SLC5A3: variants seen among roughly 807,000 people sequenced by gnomAD.
SLC5A3 encodes the protein sodium/myo-inositol cotransporter.
In SLC5A3, 10 loss-of-function variants were observed where a neutral mutation model predicts 43.2. The observed-to-expected ratio is 0.23, with a 90% CI of 0.14 to 0.39. The LOEUF is 0.39. Among genes scored for constraint, SLC5A3 ranks in the 10% least tolerant of loss-of-function variants. SLC5A3 has a pLI of 1.00. For synonymous variants in SLC5A3, 349 were observed against 322.0 expected, an observed-to-expected ratio of 1.08 and a Z score of -0.90; for missense variants, 608 against 893.4, an observed-to-expected ratio of 0.68 and a Z score of 4.07.
At chr21:34,086,311 C>A (rs887717272) in intron 1 of SLC5A3, among the ~76,000 whole-genome samples, 1 of 152,070 alleles carries the variant, frequency 6.6e-6, no homozygotes, top group Non-Finnish European at 1.5e-5. Flanking sequence ...AAGATTAATT[C>A]TTGGTGTGGG....
chr21:34,089,968 A>ATTT (rs1978599382), intron 1 of SLC5A3, among the ~76,000 whole-genome samples: 1 of 152,150 alleles, frequency 6.6e-6, no homozygotes, highest in Admixed American at 6.5e-5. Context: ...AGTGTTTTGG[A>ATTT]TTGTGGGATA....
intron 1 of SLC5A3, among the ~76,000 whole-genome samples, chr21:34,078,241 A>G (rs1989379831): frequency 6.6e-6 from 1 of 152,246 alleles, no homozygotes; most frequent in East Asian, 1.9e-4. Flanking sequence ...GCAACTTAAA[A>G]TAGTTACCTA....
In SLC5A3 at chr21:34,097,630, C is replaced by T. The variant is rs1979029096; in HGVS notation, c.*275C>T. The T allele has an allele frequency of 1.4e-5, 16 of 1,169,214 alleles. No homozygotes were observed. The South Asian group carries it at 4.2e-4, about 31-fold the overall frequency. The allele number at this position is 1,169,214 out of a possible 1,614,324, so 72.4% of individuals were successfully genotyped here. On this transcript the variant is annotated 3_prime_UTR_variant, in exon 2 of 2. Coordinates refer to ENST00000381151, the MANE Select transcript of SLC5A3 (RefSeq NM_006933.7). ...AGTAAGAAGAGACCAATTATTCTCA[C>T]AGAGCACTTAGAGCAGAATATATGT...
At position 34,100,301 on chromosome 21, in the gene SLC5A3, G is replaced by A; in HGVS notation, c.*2946G>A. On this transcript the variant is annotated 3_prime_UTR_variant, in exon 2 of 2. Transcript: ENST00000381151. ...GGCATATTACATTGGTATGCAGGAT[G>A]ATTATTGCATATTTTGTGGGACCTC... 1.0e-6 allele frequency: 1 copy of A among 1,000,128 alleles called. No homozygotes were observed. The highest frequency in any genetic ancestry group is 1.2e-6 in the Non-Finnish European group (1 of 829,898). The allele number at this position is 1,000,128 out of a possible 1,614,324, so 62.0% of individuals were successfully genotyped here.
At position 34,102,498 on chromosome 21, in the gene SLC5A3, CAG is replaced by C; in HGVS notation, c.*5145_*5146del. On this transcript the variant is annotated 3_prime_UTR_variant, in exon 2 of 2. Coordinates refer to ENST00000381151, the MANE Select transcript of SLC5A3 (RefSeq NM_006933.7). ...CCATTGGCATATATAGTCTTTCACT[CAG>C]AAATAAACAAAAACTGTTTGGTATA... The C allele has an allele frequency of 1.0e-6, 1 of 1,000,128 alleles. No individual in the cohort carries two copies. Among genetic ancestry groups the C allele is most frequent in the Non-Finnish European group, 1.2e-6 (1 of 829,890 alleles). 62.0% of individuals were successfully genotyped at this position (1,000,128 alleles called of 1,614,324 possible). A position where few individuals can be genotyped will look rare whatever the true frequency, so the allele number is the denominator to read the frequency against.
At position 34,073,816 on chromosome 21, in the gene SLC5A3, G is replaced by T. The variant is rs565837251; in HGVS notation, c.-337+71G>T. The T allele has an allele frequency of 5.6e-4, 678 of 1,213,416 alleles. 7 individuals carry two copies. The highest frequency in any genetic ancestry group is 5.5e-3 in the South Asian group (358 of 65,666). The allele number at this position is 1,213,416 out of a possible 1,614,324, so 75.2% of individuals were successfully genotyped here. ...CGCTGCCGCTAGGCCGCCGTCCCCC[G>T]CGCGCCCTGGCCGCGGGACCCCGGG... On this transcript the variant is annotated intron_variant, in intron 1 of 1. Transcript: ENST00000381151.
At chr21:34,076,818 T>C (rs1989343371) in intron 1 of SLC5A3, among the ~76,000 whole-genome samples, 1 of 152,192 alleles carries the variant, frequency 6.6e-6, no homozygotes, top group Non-Finnish European at 1.5e-5. Flanking sequence ...TAGAAGAGTC[T>C]CTGGAATAAA....
Position 34,103,201 on chromosome 21 carries a change from GA to G in SLC5A3, c.*5847del. On this transcript the variant is annotated 3_prime_UTR_variant, in exon 2 of 2. Transcript: ENST00000381151. Reference sequence around the variant, plus strand: ...CCAGCTTTTGAAATTTATGTGTTTGGATTAGTGCCTTCTGGTTACCAGTATT... The same window carrying G: ...CCAGCTTTTGAAATTTATGTGTTTGGTTAGTGCCTTCTGGTTACCAGTATT... 2 of 999,836 alleles carry G rather than the reference GA, an allele frequency of 2.0e-6. No homozygotes were observed. The highest frequency in any genetic ancestry group is 2.4e-6 in the Non-Finnish European group (2 of 829,840). The allele number at this position is 999,836 out of a possible 1,614,324, so 61.9% of individuals were successfully genotyped here. A position where few individuals can be genotyped will look rare whatever the true frequency, so the allele number is the denominator to read the frequency against.
chr21:34,106,195 G>A lies in SLC5A3; in HGVS notation c.*8840G>A. ...TGTGGTATTTTGTCCTGTAACTGAA[G>A]TATAGTAATTATTTTATGGAAATGT... On this transcript the variant is annotated 3_prime_UTR_variant, in exon 2 of 2. Coordinates refer to ENST00000381151, the MANE Select transcript of SLC5A3 (RefSeq NM_006933.7). 1.0e-6 allele frequency: 1 copy of A among 978,270 alleles called. No individual in the cohort carries two copies. The highest frequency in any genetic ancestry group is 1.2e-6 in the Non-Finnish European group (1 of 809,888). 60.6% of individuals were successfully genotyped at this position (978,270 alleles called of 1,614,324 possible).
In SLC5A3 at chr21:34,095,791, C is replaced by T. The variant is rs1978938123; in HGVS notation, c.593C>T (p.Thr198Ile). 2.5e-6 allele frequency: 4 copies of T among 1,613,926 alleles called. No individual in the cohort carries two copies. The highest frequency in any genetic ancestry group is 3.4e-6 in the Non-Finnish European group (4 of 1,179,988). ...QALLMIIGAL[T>I]LMIISIMEIG... The stretch of plus-strand genomic sequence containing the variant: ...CTGCTCATGATCATTGGGGCACTTA[C>T]ACTTATGATTATTAGCATAATGGAG... The change falls in exon 2 of 2, where the codon ACA (threonine) becomes ATA (isoleucine). Residue 198 changes from threonine (T) to isoleucine (I), a missense_variant. Thr to Ile is a moderately conservative substitution (Grantham distance 89). This residue lies in a region of SLC5A3 where 398 missense variants were observed against 668.6 expected (regional missense o/e 0.60). Transcript: ENST00000381151.
At chr21:34,079,899 A>G (rs920783027) in intron 1 of SLC5A3, among the ~76,000 whole-genome samples, 10 of 152,076 alleles carry the variant, frequency 6.6e-5, no homozygotes, top group African/African-American at 2.4e-4. Flanking sequence ...TGTGTTGCCT[A>G]TCCCCAAAGT....
In SLC5A3 at chr21:34,099,678, C is replaced by G. The variant is rs1979145145; in HGVS notation, c.*2323C>G. ...TTAGGGTCCCTCTACCTTCTTTCTG[C>G]TCTTGTCTTAGTAAGATACATAAGG... On this transcript the variant is annotated 3_prime_UTR_variant, in exon 2 of 2. Coordinates refer to ENST00000381151, the MANE Select transcript of SLC5A3 (RefSeq NM_006933.7). 1 of 997,742 alleles carries G rather than the reference C, an allele frequency of 1.0e-6. No individual in the cohort carries two copies. Among genetic ancestry groups the G allele is most frequent in the Non-Finnish European group, 1.2e-6 (1 of 829,554 alleles). The allele number at this position is 997,742 out of a possible 1,614,324, so 61.8% of individuals were successfully genotyped here. A position where few individuals can be genotyped will look rare whatever the true frequency, so the allele number is the denominator to read the frequency against.
intron 1 of SLC5A3, among the ~76,000 whole-genome samples, chr21:34,074,955 A>G (rs1169271705): frequency 6.6e-6 from 1 of 152,224 alleles, no homozygotes; most frequent in African/African-American, 2.4e-5. Flanking sequence ...CAGCCTGGCC[A>G]GGCATGCCAT....
At position 34,099,202 on chromosome 21, in the gene SLC5A3, C is replaced by T; in HGVS notation, c.*1847C>T. ...AGAGTGCCTTGTAGAATTTTTTTCT[C>T]AATTTTATTCTTGAGGTTTATAATT... On this transcript the variant is annotated 3_prime_UTR_variant, in exon 2 of 2. Transcript: ENST00000381151. 69 of 999,922 alleles carry T rather than the reference C, an allele frequency of 6.9e-5. No homozygotes were observed. Among genetic ancestry groups the T allele is most frequent in the Non-Finnish European group, 8.2e-5 (68 of 829,898 alleles). The allele number at this position is 999,922 out of a possible 1,614,324, so 61.9% of individuals were successfully genotyped here.
rs895591363 is a variant in SLC5A3, at chr21:34,098,965, C to T, written c.*1610C>T. 1 of 986,318 alleles carries T rather than the reference C, an allele frequency of 1.0e-6. No homozygotes were observed. Among genetic ancestry groups the T allele is most frequent in the South Asian group, 4.8e-5 (1 of 21,018 alleles). 61.1% of individuals were successfully genotyped at this position (986,318 alleles called of 1,614,324 possible). A position where few individuals can be genotyped will look rare whatever the true frequency, so the allele number is the denominator to read the frequency against. The stretch of plus-strand genomic sequence containing the variant: ...TTTAGGGAAATTACTTTCATAAATA[C>T]TTTTGTAGATTTTGAATCAAAACTC... On this transcript the variant is annotated 3_prime_UTR_variant, in exon 2 of 2. Coordinates refer to ENST00000381151, the MANE Select transcript of SLC5A3 (RefSeq NM_006933.7).
intron 1 of SLC5A3, among the ~76,000 whole-genome samples, chr21:34,083,172 G>C (rs1276927125): frequency 1.3e-5 from 2 of 152,190 alleles, no homozygotes; most frequent in Non-Finnish European, 2.9e-5. Flanking sequence ...GTGCAGTTAT[G>C]GTAGCCGGGT....
At chr21:34,094,297 G>A (rs1317838884) in intron 1 of SLC5A3, among the ~76,000 whole-genome samples, 1 of 152,064 alleles carries the variant, frequency 6.6e-6, no homozygotes. Flanking sequence ...AGTTTAAGAA[G>A]CTTTATAACA....
Position 34,102,396 on chromosome 21 carries a change from A to G in SLC5A3, c.*5041A>G. 2 of 1,000,036 alleles carry G rather than the reference A, an allele frequency of 2.0e-6. No homozygotes were observed. The highest frequency in any genetic ancestry group is 2.4e-6 in the Non-Finnish European group (2 of 829,768). The allele number at this position is 1,000,036 out of a possible 1,614,324, so 61.9% of individuals were successfully genotyped here. On this transcript the variant is annotated 3_prime_UTR_variant, in exon 2 of 2. Coordinates refer to ENST00000381151, the MANE Select transcript of SLC5A3 (RefSeq NM_006933.7). ...AATTTCTGTTTCTGTTTCCATCTAA[A>G]CTTCTTTATAAAAAGAGGGATTAGT...
rs768058759 is a variant in SLC5A3 at position 34,095,258 on chromosome 21, C to T, written c.60C>T (p.Val20=). ...TAGTGGCCCTGTATTTTATCCTGGT[C>T]ATGTGCATTGGTTTTTTTGCCATGT... The part of the protein sequence containing the change: ...IAIVALYFIL[V]MCIGFFAMWK... The change falls in exon 2 of 2, where the codon GTC becomes GTT. Residue 20 remains valine, a synonymous_variant. Coordinates refer to ENST00000381151, the MANE Select transcript of SLC5A3 (RefSeq NM_006933.7). The T allele has an allele frequency of 1.7e-5, 27 of 1,613,958 alleles. No homozygotes were observed. The South Asian group carries it at 2.6e-4, about 16-fold the overall frequency.
Sources: allele counts gnomAD v4.1 joint callset (sites outside exome capture counted in the v4.1 genomes callset), GRCh38; gene constraint gnomAD v4.1.1; regional missense constraint gnomAD v4.1.1; transcripts MANE v1.5; gene names NCBI Gene and HGNC (gene_info 2026-07-23, HGNC 2026-07-21).